The following PAGE3 variants were observed in gnomAD, a reference collection of about 807,000 sequenced individuals.
PAGE3 encodes PAGE family member 3, also known as P antigen family member 3.
PAGE3 carries 9 observed loss-of-function variants against 3.8 expected under a neutral mutation model. The observed-to-expected ratio is 2.36, with a 90% CI of 1.42 to 4.12. The LOEUF (loss-of-function observed/expected upper bound fraction) is 4.12. Ranked by LOEUF, PAGE3 falls within the 30% of genes most tolerant of loss-of-function variation. The pLI, the probability that PAGE3 is intolerant of heterozygous loss-of-function variation, is 0.00. For synonymous variants in PAGE3, 24 were observed against 13.1 expected, an observed-to-expected ratio of 1.83 and a Z score of -1.79; for missense variants, 73 against 37.8, an observed-to-expected ratio of 1.93 and a Z score of -2.44.
chrX:55,262,257 T>C (rs191917496), intron 3 of PAGE3, among the ~76,000 whole-genome samples: 32 of 111,957 alleles, frequency 2.9e-4, no homozygotes, highest in African/African-American at 1.0e-3. Flanking sequence ...TTGATGTTTC[T>C]AGCCATAAGA....
intron 4 of PAGE3, among the ~76,000 whole-genome samples, chrX:55,260,160 G>C (rs910926338): frequency 8.1e-5 from 9 of 111,783 alleles, no homozygotes; most frequent in Non-Finnish European, 1.5e-4. Context: ...TTAGAGCTTG[G>C]ATTAGAGCCT....
intron 4 of PAGE3, among the ~76,000 whole-genome samples, chrX:55,259,977 T>C (rs1938258831): frequency 9.0e-6 from 1 of 111,467 alleles, no homozygotes. Flanking sequence ...ACTAAGTGTT[T>C]ATATTAAATT....
chrX:55,262,071 TA>T (rs1455792474), intron 3 of PAGE3, among the ~76,000 whole-genome samples: 1 of 111,477 alleles, frequency 9.0e-6, no homozygotes, highest in Non-Finnish European at 1.9e-5. Flanking sequence ...CCAGCAAGAA[TA>T]ATGGGAAGTG....
At chrX:55,262,190 A>G (rs185737432) in intron 3 of PAGE3, among the ~76,000 whole-genome samples, 141 of 111,905 alleles carry the variant, frequency 1.3e-3, no homozygotes, top group Non-Finnish European at 2.2e-3. Flanking sequence ...ATTTTGCTCC[A>G]AAATGCCATA....
chrX:55,263,638 A>G (rs756162943), intron 2 of PAGE3, among the ~76,000 whole-genome samples, 182 bp downstream of exon 2: 2 of 112,082 alleles, frequency 1.8e-5, no homozygotes, highest in Non-Finnish European at 3.8e-5. Flanking sequence ...TCTGGGGAAT[A>G]TAAAAACATA....
intron 3 of PAGE3, among the ~76,000 whole-genome samples, chrX:55,262,732 A>G (rs1021432687): frequency 1.1e-5 from 1 of 94,468 alleles, no homozygotes; most frequent in Non-Finnish European, 2.1e-5. Flanking sequence ...ATATATATAT[A>G]TGTAATATAT....
intron 3 of PAGE3, among the ~76,000 whole-genome samples, chrX:55,261,037 T>A (rs1475797036): frequency 9.0e-6 from 1 of 111,311 alleles, no homozygotes; most frequent in Non-Finnish European, 1.9e-5. Context: ...ACATATTGCA[T>A]GGCATGAGTC....
In PAGE3 at chrX:55,263,317, G is replaced by A. The variant is rs750239248; in HGVS notation, c.127C>T (p.Pro43Ser). The A allele has an allele frequency of 3.5e-6, 2 of 569,958 alleles. No individual in the cohort carries two copies. Among genetic ancestry groups the A allele is most frequent in the East Asian group, 3.2e-5 (1 of 30,786 alleles). The allele number at this position is 569,958 out of a possible 1,213,427, so 47.0% of individuals were successfully genotyped here. The part of the protein sequence containing the change: ...PSNDQLQQEE[P>S]PIESQDYTPG... ...GTATAATCCTGACTTTCAATTGGTG[G>A]TTCCTCTTGTTGAAGCTGGTCATTA... Residue 43 changes from proline to serine, a missense_variant, in exon 3 of 5, where the codon CCA becomes TCA. Coordinates refer to ENST00000374951, the MANE Select transcript of PAGE3 (RefSeq NM_001017931.3).
At chrX:55,260,500 A>G (rs1225843232) in intron 4 of PAGE3, 34 bp downstream of exon 4, 2 of 548,422 alleles carry the variant, frequency 3.6e-6, no homozygotes, top group South Asian at 4.7e-5. Context: ...GAAAACAGAA[A>G]CCCCATAATT....
rs149359953 is a variant in PAGE3 at position 55,263,344 on chromosome X, T to G, written c.100A>C (p.Ser34Arg). The G allele has an allele frequency of 9.3e-4, 525 of 567,204 alleles. No individual in the cohort carries two copies. The African/African-American group carries it at 9.7e-3, about 10-fold the overall frequency. 46.7% of individuals were successfully genotyped at this position (567,204 alleles called of 1,213,427 possible). ...TCCTCTTGTTGAAGCTGGTCATTAC[T>G]GGGCAGCTCCTGGGCCTAGGAATAT... Reference protein sequence around the residue: ...VGAVVAQELPSNDQLQQEEPP... With the variant: ...VGAVVAQELPRNDQLQQEEPP... The change falls in exon 3 of 5, where the codon AGT (serine) becomes CGT (arginine). Residue 34 changes from serine (S) to arginine (R), a missense_variant. Physicochemically the swap from Ser to Arg is moderately radical, Grantham distance 110 (BLOSUM62 -1). Transcript: ENST00000374951.
At position 55,258,668 on chromosome X, in the gene PAGE3, C is replaced by T. The variant is rs186782030; in HGVS notation, c.320-140G>A. ...CCCTCTGGCTTATATCCAGTTAAAC[C>T]GCTATAGAGACTTTGAAGGTAGGCT... On this transcript the variant is annotated intron_variant, in intron 4 of 4. Coordinates refer to ENST00000374951, the MANE Select transcript of PAGE3 (RefSeq NM_001017931.3). The T allele has an allele frequency of 6.1e-4, 230 of 377,128 alleles. 3 individuals carry two copies. The East Asian group carries it at 7.2e-3, about 12-fold the overall frequency. The allele number at this position is 377,128 out of a possible 1,213,427, so 31.1% of individuals were successfully genotyped here. A position where few individuals can be genotyped will look rare whatever the true frequency, so the allele number is the denominator to read the frequency against.
chrX:55,264,008 C>A lies in PAGE3; in HGVS notation c.-8-97G>T, dbSNP rs1938345890. The A allele has an allele frequency of 1.2e-5, 5 of 410,929 alleles. No homozygotes were observed. In the East Asian group the frequency reaches 1.6e-4, roughly 13 times the overall value. The allele number at this position is 410,929 out of a possible 1,213,427, so 33.9% of individuals were successfully genotyped here. On this transcript the variant is annotated intron_variant, in intron 1 of 4. Transcript: ENST00000374951. Reference sequence around the variant, plus strand: ...TGGAAAGCATGCAAGCTCACGATTACCCTGGGACTTAATTTTAAGATGTTT... The same window carrying A: ...TGGAAAGCATGCAAGCTCACGATTAACCTGGGACTTAATTTTAAGATGTTT...
intron 1 of PAGE3, among the ~76,000 whole-genome samples, 154 bp downstream of exon 1, chrX:55,264,392 G>A (rs935189845): frequency 2.7e-5 from 3 of 110,733 alleles, no homozygotes; most frequent in Admixed American, 9.6e-5. Context: ...ACCGTGGAGC[G>A]CTCTACAGAC....
chrX:55,258,670 C>T (rs1488324946), intron 4 of PAGE3, 142 bp from the exon 5 acceptor site: 1 of 373,751 alleles, frequency 2.7e-6, no homozygotes, highest in Non-Finnish European at 4.7e-6. Flanking sequence ...AGTTAAACCG[C>T]TATAGAGACT....
intron 3 of PAGE3, among the ~76,000 whole-genome samples, chrX:55,261,522 TAAAAA>T (rs933363781): frequency 1.2e-4 from 13 of 111,475 alleles, no homozygotes; most frequent in Non-Finnish European, 1.5e-4. Context: ...AAATTAAAAA[TAAAAA>T]AGAATAAATG....
At chrX:55,261,949 A>G (rs1181457605) in intron 3 of PAGE3, among the ~76,000 whole-genome samples, 1 of 111,962 alleles carries the variant, frequency 8.9e-6, no homozygotes, top group Non-Finnish European at 1.9e-5. Context: ...AAATAAAGTT[A>G]CTTTTAGGTC....
chrX:55,260,256 A>G (rs1263481476), intron 4 of PAGE3, among the ~76,000 whole-genome samples: 1 of 111,476 alleles, frequency 9.0e-6, no homozygotes, highest in Non-Finnish European at 1.9e-5. Context: ...TTATAAAAGT[A>G]TCTGATATTA....
At position 55,258,610 on chromosome X, in the gene PAGE3, T is replaced by A. The variant is rs1938235465; in HGVS notation, c.320-82A>T. The A allele has an allele frequency of 7.6e-6, 4 of 525,326 alleles. No individual in the cohort carries two copies. The South Asian group carries it at 8.0e-5, about 10-fold the overall frequency. 43.3% of individuals were successfully genotyped at this position (525,326 alleles called of 1,213,427 possible). ...ACTACGGGTTGAAAAAAGGCATAGTTTTGGTTTTATGAAATGAACTATAAC... is the reference window on the plus strand; with the variant it reads ...ACTACGGGTTGAAAAAAGGCATAGTATTGGTTTTATGAAATGAACTATAAC... On this transcript the variant is annotated intron_variant, in intron 4 of 4. Coordinates refer to ENST00000374951, the MANE Select transcript of PAGE3 (RefSeq NM_001017931.3).
intron 3 of PAGE3, among the ~76,000 whole-genome samples, chrX:55,262,383 A>G (rs968703371): frequency 4.5e-5 from 5 of 111,442 alleles, no homozygotes; most frequent in African/African-American, 1.6e-4. Context: ...TTTCAATCAA[A>G]GTAAACAGTG....
Sources: allele counts gnomAD v4.1 joint callset (sites outside exome capture counted in the v4.1 genomes callset), GRCh38; gene constraint gnomAD v4.1.1; transcripts MANE v1.5; gene names NCBI Gene and HGNC (gene_info 2026-07-23, HGNC 2026-07-21).